The following SLMAP variants were observed in gnomAD, a reference collection of about 807,000 sequenced individuals.
SLMAP encodes the protein sarcolemmal membrane-associated protein.
Under a neutral mutation model 128.8 loss-of-function variants are expected in SLMAP, and 44 were observed. The ratio of observed to expected loss-of-function variants is 0.34; its 90% CI spans 0.27 to 0.44. The LOEUF is 0.44. Among genes scored for constraint, SLMAP ranks in the 20% least tolerant of loss-of-function variants. The probability of loss-of-function intolerance (pLI) is 1.00; values close to 1 mark genes in which losing one functional copy is unlikely to be tolerated. For synonymous variants in SLMAP, 327 were observed against 348.8 expected (o/e 0.94, Z 0.70); for missense variants, 787 against 985.3 (o/e 0.80, Z 2.69).
Position 57,780,791 on chromosome 3 carries a change from G to A in SLMAP, c.198+22942G>A, listed in dbSNP as rs1445898291. On this transcript the variant is annotated intron_variant, in intron 2 of 24. Coordinates refer to ENST00000671191, the MANE Select transcript of SLMAP (RefSeq NM_001377540.1). ...TCCTCGTGGCTGGGACTGTAGGCAC[G>A]CACCACCATGCTTGGCTAATTTTTA... Among the ~76,000 whole-genome samples, 3 of 151,400 alleles carry A rather than the reference G, an allele frequency of 2.0e-5. No individual in the cohort carries two copies. In the East Asian group the frequency reaches 5.8e-4, roughly 30 times the overall value.
At chr3:57,778,448 G>T (rs761431449) in intron 2 of SLMAP, among the ~76,000 whole-genome samples, 45 of 145,756 alleles carry the variant, frequency 3.1e-4, no homozygotes, top group Non-Finnish European at 3.2e-4. Flanking sequence ...TTTTTTGGTA[G>T]ATTTTTTTCT....
At chr3:57,832,907 T>TA (rs2153549953) in intron 3 of SLMAP, among the ~76,000 whole-genome samples, 1 of 152,316 alleles carries the variant, frequency 6.6e-6, no homozygotes, top group Non-Finnish European at 1.5e-5. Flanking sequence ...TGACACTTCT[T>TA]ACTAAGAGAA....
intron 13 of SLMAP, among the ~76,000 whole-genome samples, chr3:57,869,808 AT>A (rs2095439587): frequency 2.0e-5 from 3 of 151,062 alleles, no homozygotes; most frequent in Admixed American, 6.6e-5. Flanking sequence ...ATCATTGTAC[AT>A]TTGTTTTATG....
At chr3:57,803,002 G>A (rs976885103) in intron 2 of SLMAP, among the ~76,000 whole-genome samples, 5 of 148,012 alleles carry the variant, frequency 3.4e-5, no homozygotes, top group Admixed American at 1.3e-4. Flanking sequence ...TTAAAGTGCA[G>A]TGATTGGAGC....
At chr3:57,881,479 A>G (rs930793735) in intron 14 of SLMAP, among the ~76,000 whole-genome samples, 1 of 152,142 alleles carries the variant, frequency 6.6e-6, no homozygotes. Context: ...ATTTTTTGAG[A>G]CGGAGTCTTG....
At chr3:57,848,808 C>G (rs2094395445) in intron 5 of SLMAP, among the ~76,000 whole-genome samples, 1 of 144,836 alleles carries the variant, frequency 6.9e-6, no homozygotes. Context: ...CTTCGAGGTT[C>G]CAGCGATTCT....
chr3:57,918,565 C>T (rs1445484661), intron 22 of SLMAP: 2 of 152,086 alleles, frequency 1.3e-5, no homozygotes, highest in Non-Finnish European at 2.9e-5. Context: ...CATCACACTC[C>T]TTTGTAATGT....
In SLMAP at chr3:57,857,948, G is replaced by T. The variant is rs577561255; in HGVS notation, c.615+120G>T. 51 of 948,768 alleles carry T rather than the reference G, an allele frequency of 5.4e-5. No homozygotes were observed. The African/African-American group carries it at 8.2e-4, about 15-fold the overall frequency. The allele number at this position is 948,768 out of a possible 1,614,324, so 58.8% of individuals were successfully genotyped here. On this transcript the variant is annotated intron_variant, in intron 7 of 24. Coordinates refer to ENST00000671191, the MANE Select transcript of SLMAP (RefSeq NM_001377540.1). Reference sequence around the variant, plus strand: ...TTATTTCCTAACTAATGAACAAGTTGTTGAAGATTTAGCATTTTACAGTGG... The same window carrying T: ...TTATTTCCTAACTAATGAACAAGTTTTTGAAGATTTAGCATTTTACAGTGG...
chr3:57,823,918 G>C (rs1322982039), intron 2 of SLMAP, among the ~76,000 whole-genome samples: 11 of 152,154 alleles, frequency 7.2e-5, no homozygotes, highest in Non-Finnish European at 1.5e-5. Flanking sequence ...CATTCTAACT[G>C]GTGTGAGATG....
chr3:57,781,533 A>T lies in SLMAP; in HGVS notation c.198+23684A>T, dbSNP rs151186430. Among the ~76,000 whole-genome samples the T allele has an allele frequency of 1.0e-3, 154 of 152,276 alleles. 1 individual carries two copies. The highest frequency in any genetic ancestry group is 3.5e-3 in the African/African-American group (147 of 41,562). Reference sequence around the variant, plus strand: ...AGAAAAATAAGAATCTATGTTTGTTATTTGTTTATGCCTAAAGAAACTCTG... The same window carrying T: ...AGAAAAATAAGAATCTATGTTTGTTTTTTGTTTATGCCTAAAGAAACTCTG... On this transcript the variant is annotated intron_variant, in intron 2 of 24. Transcript: ENST00000671191.
intron 19 of SLMAP, chr3:57,912,156 A>G: frequency 2.2e-6 from 1 of 445,264 alleles, no homozygotes; most frequent in Non-Finnish European, 4.1e-6. Flanking sequence ...TCCAGAAGGA[A>G]TATCAGAAGT....
At chr3:57,878,870 A>G (rs541706747) in intron 14 of SLMAP, among the ~76,000 whole-genome samples, 315 of 152,360 alleles carry the variant, frequency 2.1e-3, no homozygotes, top group African/African-American at 7.1e-3. Flanking sequence ...TGGCAGTTAC[A>G]GCAGCAGATT....
At position 57,927,929 on chromosome 3, in the gene SLMAP, A is replaced by T. The variant is rs56296846; in HGVS notation, c.*640A>T. The stretch of plus-strand genomic sequence containing the variant: ...CTATTGGGAACAAGACTTAGAGACA[A>T]CTATTTGCGTGGATTTTTTTTTTTT... On this transcript the variant is annotated 3_prime_UTR_variant, in exon 25 of 25. Coordinates refer to ENST00000671191, the MANE Select transcript of SLMAP (RefSeq NM_001377540.1). 6.6e-6 allele frequency: 1 copy of T among 152,154 alleles called. No individual in the cohort carries two copies. The highest frequency in any genetic ancestry group is 2.4e-5 in the African/African-American group (1 of 41,322). The allele number at this position is 152,154 out of a possible 1,614,324, so 9.4% of individuals were successfully genotyped here.
At chr3:57,868,822 A>ATAT in intron 13 of SLMAP, among the ~76,000 whole-genome samples, 2 of 136,698 alleles carry the variant, frequency 1.5e-5, no homozygotes, top group African/African-American at 2.7e-5. Flanking sequence ...ATATATATAT[A>ATAT]AAATATATAT....
At chr3:57,839,434 A>ATTTTTTTT (rs1189313640) in intron 3 of SLMAP, among the ~76,000 whole-genome samples, 20 of 82,866 alleles carry the variant, frequency 2.4e-4, no homozygotes, top group East Asian at 6.6e-4. Flanking sequence ...CATTAGCTCT[A>ATTTTTTTT]TTTTTTTTTT....
At chr3:57,810,647 A>C (rs2090800631) in intron 2 of SLMAP, among the ~76,000 whole-genome samples, 1 of 152,102 alleles carries the variant, frequency 6.6e-6, no homozygotes, top group Non-Finnish European at 1.5e-5. Context: ...ATCTTCCGCT[A>C]CGTCCGCACT....
In SLMAP at chr3:57,927,280, G is replaced by C. The variant is rs779972405; in HGVS notation, c.*7-16G>C. The stretch of plus-strand genomic sequence containing the variant: ...GGGGAGAATGTGATATTGACTCTTG[G>C]TTTCTTTCCACACAGAAACCCTGGC... On this transcript the variant is annotated splice_polypyrimidine_tract_variant and intron_variant, in intron 24 of 24. Transcript: ENST00000671191. The C allele has an allele frequency of 6.3e-7, 1 of 1,584,366 alleles. No individual in the cohort carries two copies. The highest frequency in any genetic ancestry group is 8.6e-7 in the Non-Finnish European group (1 of 1,157,124).
chr3:57,898,940 T>G (rs940414688), intron 17 of SLMAP: 2 of 152,168 alleles, frequency 1.3e-5, no homozygotes, highest in African/African-American at 4.8e-5. Flanking sequence ...AGGGTGTGCA[T>G]GGACCACTTA....
chr3:57,847,468 T>A (rs1250298891), intron 5 of SLMAP, among the ~76,000 whole-genome samples: 1 of 152,236 alleles, frequency 6.6e-6, no homozygotes, highest in South Asian at 2.1e-4. Flanking sequence ...CTGTGTAAAC[T>A]AGGAGTACCT....
Sources: gnomAD v4.1 joint callset for allele counts (sites outside exome capture counted in the v4.1 genomes callset) on GRCh38, gnomAD v4.1.1 for gene constraint, MANE v1.5 for transcripts, NCBI Gene and HGNC (gene_info 2026-07-23, HGNC 2026-07-21) for gene names.